ADARB2: variants seen among roughly 807,000 people sequenced by gnomAD.
ADARB2 encodes inactive double-stranded RNA-specific editase B2.
In ADARB2, 25 loss-of-function variants were observed where a neutral mutation model predicts 62.2. That is an observed-to-expected ratio of 0.40 (90% confidence interval 0.29 to 0.56). The LOEUF (loss-of-function observed/expected upper bound fraction) is 0.56. Ranked by LOEUF, ADARB2 falls within the 20% of genes least tolerant of loss-of-function variation. The probability of loss-of-function intolerance (pLI) is 0.43; values close to 1 mark genes in which losing one functional copy is unlikely to be tolerated. For missense variants in ADARB2, 1,071 were observed against 1,077.4 expected (o/e 0.99, Z 0.08); for synonymous variants, 572 against 500.8 (o/e 1.14, Z -1.90).
intron 1 of ADARB2, among the ~76,000 whole-genome samples, chr10:1,445,010 G>A (rs575085453): frequency 6.5e-4 from 86 of 133,108 alleles, no homozygotes; most frequent in African/African-American, 2.1e-3. Flanking sequence ...ACATTCATCC[G>A]TCCATCCACT....
intron 1 of ADARB2, among the ~76,000 whole-genome samples, chr10:1,545,845 A>G (rs1387533833): frequency 6.6e-6 from 1 of 152,192 alleles, no homozygotes; most frequent in African/African-American, 2.4e-5. Context: ...GGCCAGTGCT[A>G]GTGGGCAGGA....
chr10:1,503,912 GCTT>G (rs1831800453), intron 1 of ADARB2, among the ~76,000 whole-genome samples: 1 of 152,048 alleles, frequency 6.6e-6, no homozygotes, highest in Non-Finnish European at 1.5e-5. Flanking sequence ...CCAGCTTCAC[GCTT>G]CTTGTACAGC....
chr10:1,362,096 G>A (rs998937431), intron 3 of ADARB2, among the ~76,000 whole-genome samples: 1 of 152,214 alleles, frequency 6.6e-6, no homozygotes, highest in Non-Finnish European at 1.5e-5. Context: ...GGAAAATAGG[G>A]TCTGGAGGCA....
intron 3 of ADARB2, among the ~76,000 whole-genome samples, chr10:1,362,556 G>C (rs914668430): frequency 6.6e-6 from 1 of 152,102 alleles, no homozygotes; most frequent in Non-Finnish European, 1.5e-5. Context: ...CTCTCGCTCC[G>C]GCCTCCTCGG....
chr10:1,372,465 T>A (rs2805500), intron 2 of ADARB2, among the ~76,000 whole-genome samples: 3 of 152,048 alleles, frequency 2.0e-5, no homozygotes, highest in African/African-American at 7.3e-5. Context: ...AAAATAAAAT[T>A]AAATTAAATT....
At chr10:1,515,443 G>C (rs1395986819) in intron 1 of ADARB2, among the ~76,000 whole-genome samples, 2 of 152,230 alleles carry the variant, frequency 1.3e-5, no homozygotes, top group Admixed American at 1.3e-4. Flanking sequence ...AACCATTACA[G>C]CTTTCTGGGT....
intron 1 of ADARB2, among the ~76,000 whole-genome samples, chr10:1,724,875 T>C (rs1462051068): frequency 2.0e-5 from 3 of 152,210 alleles, no homozygotes; most frequent in Admixed American, 6.5e-5. Context: ...GTACTTGCTC[T>C]AACCTCTCCA....
intron 8 of ADARB2, among the ~76,000 whole-genome samples, chr10:1,185,742 G>A (rs1050678150): frequency 6.6e-6 from 1 of 152,208 alleles, no homozygotes. Context: ...CACGATGCTG[G>A]TCCTGTCCAG....
intron 3 of ADARB2, among the ~76,000 whole-genome samples, chr10:1,314,894 C>T (rs1831724022): frequency 3.3e-5 from 5 of 152,208 alleles, no homozygotes; most frequent in Admixed American, 3.3e-4. Flanking sequence ...TTAGATATTT[C>T]ACTGTTGGTG....
chr10:1,289,335 G>A (rs937775368), intron 3 of ADARB2, among the ~76,000 whole-genome samples: 1 of 152,186 alleles, frequency 6.6e-6, no homozygotes, highest in Non-Finnish European at 1.5e-5. Flanking sequence ...GCTGTGCTCC[G>A]ACCACACTGG....
intron 1 of ADARB2, among the ~76,000 whole-genome samples, chr10:1,562,187 A>C (rs1450718748): frequency 6.9e-6 from 1 of 145,890 alleles, no homozygotes; most frequent in Admixed American, 6.8e-5. Context: ...AAGCCCAGTC[A>C]GCTTTTGTTC....
chr10:1,289,013 T>C (rs1831439789), intron 3 of ADARB2, among the ~76,000 whole-genome samples: 1 of 152,104 alleles, frequency 6.6e-6, no homozygotes, highest in Admixed American at 6.6e-5. Context: ...CCCTCCATTG[T>C]GGAATTCAGG....
intron 4 of ADARB2, among the ~76,000 whole-genome samples, chr10:1,246,859 G>A (rs1249906551): frequency 7.2e-5 from 11 of 151,804 alleles, no homozygotes; most frequent in South Asian, 4.2e-4. Context: ...GTTTTTTCCA[G>A]TTCTGTGAAG....
intron 1 of ADARB2, among the ~76,000 whole-genome samples, chr10:1,518,084 G>A (rs1244828745): frequency 6.6e-6 from 1 of 152,158 alleles, no homozygotes; most frequent in Non-Finnish European, 1.5e-5. Context: ...CAAAACAGGC[G>A]ATATTTGTTA....
chr10:1,233,263 C>G (rs1830826935), intron 6 of ADARB2, among the ~76,000 whole-genome samples: 1 of 152,154 alleles, frequency 6.6e-6, no homozygotes, highest in South Asian at 2.1e-4. Context: ...GGGGAAACCC[C>G]TTTGCAGGGA....
At chr10:1,251,079 G>A (rs564832275) in intron 4 of ADARB2, among the ~76,000 whole-genome samples, 1 of 152,314 alleles carries the variant, frequency 6.6e-6, no homozygotes, top group East Asian at 1.9e-4. Flanking sequence ...ATGTACCAGA[G>A]TAAATTCCAA....
chr10:1,628,147 G>A (rs1490931946), intron 1 of ADARB2, among the ~76,000 whole-genome samples: 1 of 152,244 alleles, frequency 6.6e-6, no homozygotes, highest in Admixed American at 6.5e-5. Flanking sequence ...GGGGCTGAGA[G>A]CAAACGGGCG....
chr10:1,603,136 TAAACACAC>T (rs1833447399), intron 1 of ADARB2, among the ~76,000 whole-genome samples: 1 of 114,920 alleles, frequency 8.7e-6, no homozygotes, highest in African/African-American at 3.0e-5. Flanking sequence ...TATACACACA[TAAACACAC>T]ACACACCTGT....
intron 3 of ADARB2, among the ~76,000 whole-genome samples, chr10:1,327,870 T>C (rs76058764): frequency 0.055 from 3,087 of 55,644 alleles, 640 homozygotes; most frequent in African/African-American, 0.17. Context: ...CAGCGCCTCC[T>C]CACAGCTCAG....
Sources: gnomAD v4.1 joint callset for allele counts (sites outside exome capture counted in the v4.1 genomes callset) on GRCh38, gnomAD v4.1.1 for gene constraint, MANE v1.5 for transcripts, NCBI Gene and HGNC (gene_info 2026-07-23, HGNC 2026-07-21) for gene names.